The following MAU2 variants were observed in gnomAD, a reference collection of about 807,000 sequenced individuals.
MAU2 encodes MAU2 chromatid cohesion factor homolog.
Under a neutral mutation model 89.1 loss-of-function variants are expected in MAU2, and 9 were observed. The ratio of observed to expected loss-of-function variants is 0.10; its 90% CI spans 0.06 to 0.18. The LOEUF (loss-of-function observed/expected upper bound fraction) is 0.18, where lower values mean the gene tolerates loss of function less well. Ranked by LOEUF, MAU2 falls within the 10% of genes least tolerant of loss-of-function variation. The pLI, the probability that MAU2 is intolerant of heterozygous loss-of-function variation, is 1.00. For missense variants in MAU2, 425 were observed against 803.5 expected (o/e 0.53, Z 5.69); for synonymous variants, 357 against 343.4 (o/e 1.04, Z -0.44).
rs1568661098 is a variant in MAU2 at position 19,342,662 on chromosome 19, T to C, written c.863T>C (p.Met288Thr). ...TTCCACTGGCTGCCCAAGGAGCACA[T>C]GTGTGTGCTTGTCTACCTGGTGCGT... ...DLFHWLPKEHMCVLVYLVTVM... is the reference protein window; with the variant it reads ...DLFHWLPKEHTCVLVYLVTVM... Residue 288 changes from methionine (M) to threonine (T), a missense_variant, in exon 8 of 19, where the codon ATG becomes ACG. By Grantham distance (81) the Met-to-Thr change is moderately conservative. Transcript: ENST00000262815. 1 of 1,611,950 alleles carries C rather than the reference T, an allele frequency of 6.2e-7. No individual in the cohort carries two copies. The highest frequency in any genetic ancestry group is 8.5e-7 in the Non-Finnish European group (1 of 1,178,992).
chr19:19,348,389 G>T, intron 13 of MAU2: 1 of 204,590 alleles, frequency 4.9e-6, no homozygotes, highest in Non-Finnish European at 1.0e-5. Context: ...CCCAGCCCCG[G>T]CTTAGTCATC....
intron 4 of MAU2, among the ~76,000 whole-genome samples, chr19:19,337,986 C>T (rs928304204): frequency 6.6e-6 from 1 of 152,240 alleles, no homozygotes; most frequent in Non-Finnish European, 1.5e-5. Context: ...TGGGGACCCT[C>T]AGGCGGGTGG....
At chr19:19,329,328 A>C (rs2061536598) in intron 1 of MAU2, among the ~76,000 whole-genome samples, 3 of 151,974 alleles carry the variant, frequency 2.0e-5, no homozygotes, top group Admixed American at 1.3e-4. Flanking sequence ...CTCTTGAGTC[A>C]CCTCTGACTT....
intron 13 of MAU2, 66 bp from the exon 14 acceptor site, chr19:19,348,823 G>T (rs1259730238): frequency 6.5e-7 from 1 of 1,538,310 alleles, no homozygotes; most frequent in Non-Finnish European, 9.0e-7. Flanking sequence ...ATGCACTGCA[G>T]TGTGTCTTGG....
At chr19:19,343,520 A>G (rs527911494) in intron 9 of MAU2, among the ~76,000 whole-genome samples, 6 of 150,042 alleles carry the variant, frequency 4.0e-5, no homozygotes, top group African/African-American at 1.4e-4. Context: ...GTCATGATCC[A>G]GGGTGGTTTC....
chr19:19,332,275 G>A (rs948272706), intron 1 of MAU2, among the ~76,000 whole-genome samples: 4 of 148,048 alleles, frequency 2.7e-5, no homozygotes, highest in African/African-American at 7.5e-5. Context: ...ATCCTCCCAC[G>A]TCAGCCTCCC....
chr19:19,340,228 G>A (rs1212866321), intron 5 of MAU2, among the ~76,000 whole-genome samples: 1 of 151,680 alleles, frequency 6.6e-6, no homozygotes, highest in African/African-American at 2.4e-5. Flanking sequence ...AGGTGCTCAG[G>A]AGGCTGAGGC....
chr19:19,325,701 A>G (rs896838092), intron 1 of MAU2, among the ~76,000 whole-genome samples: 1 of 151,488 alleles, frequency 6.6e-6, no homozygotes, highest in Admixed American at 6.6e-5. Flanking sequence ...CTGGTCTCGA[A>G]CTCCTGACCT....
chr19:19,358,237 G>A lies in MAU2; in HGVS notation c.*2455G>A, dbSNP rs1041795615. On this transcript the variant is annotated 3_prime_UTR_variant, in exon 19 of 19. Transcript: ENST00000262815. ...AAGGCATTCTGTTGACAGATGAACA[G>A]CCGAAAGCTGGCCAGACCCTCCTGT... The A allele has an allele frequency of 1.4e-4, 21 of 152,256 alleles. No homozygotes were observed. Among genetic ancestry groups the A allele is most frequent in the Non-Finnish European group, 1.8e-4 (12 of 68,056 alleles). 9.4% of individuals were successfully genotyped at this position (152,256 alleles called of 1,614,324 possible). A position where few individuals can be genotyped will look rare whatever the true frequency, so the allele number is the denominator to read the frequency against.
rs750081178 is a variant in MAU2 at position 19,344,798 on chromosome 19, G to A, written c.1078-51G>A. On this transcript the variant is annotated intron_variant, in intron 10 of 18. Coordinates refer to ENST00000262815, the MANE Select transcript of MAU2 (RefSeq NM_015329.4). ...GGGGTCTCTCCATTGCTGCTCAGAC[G>A]CCAGGTCCCAGGTTGCAGTCCTGTG... 6 of 1,498,492 alleles carry A rather than the reference G, an allele frequency of 4.0e-6. No individual in the cohort carries two copies. The East Asian group carries it at 9.1e-5, about 23-fold the overall frequency. 92.8% of individuals were successfully genotyped at this position (1,498,492 alleles called of 1,614,324 possible).
At chr19:19,342,906 C>T in intron 9 of MAU2, 40 bp downstream of exon 9, 4 of 1,605,076 alleles carry the variant, frequency 2.5e-6, no homozygotes, top group Non-Finnish European at 2.6e-6. Context: ...CCACAGCGAC[C>T]CCTGGCGGAC....
rs2061571855 is a variant in MAU2 at position 19,333,416 on chromosome 19, G to A, written c.277-2302G>A. ...TGGGAGGATCACTTCAGCCCAGGAG[G>A]TCAAGGCTGCAGTGAGCTCTGATTG... On this transcript the variant is annotated intron_variant, in intron 1 of 18. Coordinates refer to ENST00000262815, the MANE Select transcript of MAU2 (RefSeq NM_015329.4). Among the ~76,000 whole-genome samples, 3 of 152,122 alleles carry A rather than the reference G, an allele frequency of 2.0e-5. No homozygotes were observed. The South Asian group carries it at 6.2e-4, about 32-fold the overall frequency.
rs1300147810 is a variant in MAU2 at position 19,336,217 on chromosome 19, A to G, written c.360+30A>G. The G allele has an allele frequency of 3.3e-6, 5 of 1,522,796 alleles. No individual in the cohort carries two copies. The African/African-American group carries it at 4.1e-5, about 12-fold the overall frequency. The allele number at this position is 1,522,796 out of a possible 1,614,324, so 94.3% of individuals were successfully genotyped here. A position where few individuals can be genotyped will look rare whatever the true frequency, so the allele number is the denominator to read the frequency against. Reference sequence around the variant, plus strand: ...GAACATATTAAGGTTTCTGAAAGCAAAGTGTCTCTCCGTGTCGCTAAGACA... The same window carrying G: ...GAACATATTAAGGTTTCTGAAAGCAGAGTGTCTCTCCGTGTCGCTAAGACA... On this transcript the variant is annotated intron_variant, in intron 3 of 18. Coordinates refer to ENST00000262815, the MANE Select transcript of MAU2 (RefSeq NM_015329.4).
intron 1 of MAU2, among the ~76,000 whole-genome samples, chr19:19,323,990 A>G (rs2061485000): frequency 6.6e-6 from 1 of 152,180 alleles, no homozygotes; most frequent in Non-Finnish European, 1.5e-5. Context: ...CCTTTGATTC[A>G]TTCAACAGAT....
chr19:19,355,463 T>A, intron 18 of MAU2, 72 bp downstream of exon 18: 1 of 1,583,744 alleles, frequency 6.3e-7, no homozygotes, highest in East Asian at 2.2e-5. Flanking sequence ...AGGGGCACCT[T>A]GGCTGTATTT....
rs2061591406 is a variant in MAU2 at position 19,335,796 on chromosome 19, G to GT, written c.294+62dup. 39 of 1,584,072 alleles carry GT rather than the reference G, an allele frequency of 2.5e-5. No individual in the cohort carries two copies. In the South Asian group the frequency reaches 4.2e-4, roughly 17 times the overall value. ...AATTCTCCACTTAAATAAAAAGAAT[G>GT]TATCAAAGCTTGAATCCCACCTCCC... On this transcript the variant is annotated intron_variant, in intron 2 of 18. Transcript: ENST00000262815.
chr19:19,353,832 A>C (rs1211861661), intron 16 of MAU2: 1 of 168,202 alleles, frequency 5.9e-6, no homozygotes, highest in Non-Finnish European at 1.3e-5. Flanking sequence ...CTAGGGCTGC[A>C]ACTGGGGTGG....
chr19:19,344,933 A>T lies in MAU2; in HGVS notation c.1155+7A>T, dbSNP rs761574732. 13 of 1,613,204 alleles carry T rather than the reference A, an allele frequency of 8.1e-6. No homozygotes were observed. In the South Asian group the frequency reaches 1.3e-4, roughly 16 times the overall value. On this transcript the variant is annotated splice_region_variant and intron_variant, in intron 11 of 18. Transcript: ENST00000262815. Reference sequence around the variant, plus strand: ...ACAGCTGCACACATTGCTGGTGAGTAACCCTGTGACAACACCCCGGGAGAA... The same window carrying T: ...ACAGCTGCACACATTGCTGGTGAGTTACCCTGTGACAACACCCCGGGAGAA...
At chr19:19,352,638 C>T (rs1046227682) in intron 16 of MAU2, 1 of 152,298 alleles carries the variant, frequency 6.6e-6, no homozygotes, top group Non-Finnish European at 1.5e-5. Flanking sequence ...ACCGCAGAAT[C>T]AGGACTGGAA....
Sources: gnomAD v4.1 joint callset for allele counts (sites outside exome capture counted in the v4.1 genomes callset) on GRCh38, gnomAD v4.1.1 for gene constraint, MANE v1.5 for transcripts, NCBI Gene and HGNC (gene_info 2026-07-23, HGNC 2026-07-21) for gene names.